FAM133A: variants seen among roughly 807,000 people sequenced by gnomAD.
FAM133A encodes protein FAM133A.
For synonymous variants in FAM133A, 65 were observed against 58.6 expected (o/e 1.11, Z -0.50); for missense variants, 159 against 164.4 (o/e 0.97, Z 0.18).
chrX:93,684,740 T>C (rs189607390), intron 2 of FAM133A, among the ~76,000 whole-genome samples: 24 of 110,790 alleles, frequency 2.2e-4, no homozygotes, highest in African/African-American at 8.0e-4. Flanking sequence ...TTTTGAATTT[T>C]TAAAACAAGC....
Position 93,709,404 on chromosome X carries a change from G to A in FAM133A, c.-16G>A, listed in dbSNP as rs1458062052. ...CCTTGGCAACTGAGAGTCTGCCCTT[G>A]GAAACATCAGGCACCATGGGGAAGC... On this transcript the variant is annotated 5_prime_UTR_variant, in exon 4 of 4. Transcript: ENST00000683942. 3.6e-5 allele frequency: 40 copies of A among 1,121,703 alleles called. No homozygotes were observed. The highest frequency in any genetic ancestry group is 4.6e-5 in the Non-Finnish European group (39 of 856,890). 92.4% of individuals were successfully genotyped at this position (1,121,703 alleles called of 1,213,427 possible).
chrX:93,682,986 A>G (rs1201588400), intron 2 of FAM133A, among the ~76,000 whole-genome samples: 1 of 112,038 alleles, frequency 8.9e-6, no homozygotes, highest in African/African-American at 3.2e-5. Context: ...AATTTTATTT[A>G]ACAGTTGTCT....
chrX:93,699,067 A>T (rs1482712901), intron 3 of FAM133A, among the ~76,000 whole-genome samples: 1 of 111,372 alleles, frequency 9.0e-6, no homozygotes, highest in Non-Finnish European at 1.9e-5. Flanking sequence ...GGAATATGGC[A>T]TATCAGGGAT....
Position 93,712,061 on chromosome X carries a change from T to C in FAM133A, c.*1895T>C, listed in dbSNP as rs1199614266. ...AAACAGAAGTGATTTTCTATTTCCA[T>C]GTTGGACTGTAAAAAGTTCTGCATG... On this transcript the variant is annotated 3_prime_UTR_variant, in exon 4 of 4. Coordinates refer to ENST00000683942, the MANE Select transcript of FAM133A (RefSeq NM_001171109.2). 8.1e-6 allele frequency: 1 copy of C among 122,995 alleles called. No individual in the cohort carries two copies. The highest frequency in any genetic ancestry group is 9.5e-5 in the Admixed American group (1 of 10,490). 10.1% of individuals were successfully genotyped at this position (122,995 alleles called of 1,213,427 possible). A position where few individuals can be genotyped will look rare whatever the true frequency, so the allele number is the denominator to read the frequency against.
chrX:93,693,102 A>G (rs1410508324), intron 2 of FAM133A, among the ~76,000 whole-genome samples: 3 of 111,643 alleles, frequency 2.7e-5, no homozygotes, highest in Non-Finnish European at 1.9e-5. Flanking sequence ...CAAAAAGAAA[A>G]GAGAATAAGA....
intron 2 of FAM133A, among the ~76,000 whole-genome samples, chrX:93,690,269 G>A (rs1925801337): frequency 9.0e-6 from 1 of 111,158 alleles, no homozygotes; most frequent in Non-Finnish European, 1.9e-5. Context: ...CATTATATGT[G>A]TATAATTCAA....
chrX:93,709,254 T>C, intron 3 of FAM133A, 63 bp from the exon 4 acceptor site: 2 of 699,441 alleles, frequency 2.9e-6, no homozygotes, highest in Non-Finnish European at 3.8e-6. Flanking sequence ...CAATTAAGCT[T>C]ATATGTTTGT....
intron 3 of FAM133A, among the ~76,000 whole-genome samples, chrX:93,706,534 C>T (rs1702187888): frequency 9.0e-6 from 1 of 111,636 alleles, no homozygotes; most frequent in African/African-American, 3.3e-5. Context: ...GTGCCAAATC[C>T]CATACATCCT....
At chrX:93,678,582 A>AT (rs1032647073) in intron 2 of FAM133A, among the ~76,000 whole-genome samples, 3 of 110,733 alleles carry the variant, frequency 2.7e-5, no homozygotes, top group African/African-American at 6.6e-5. Flanking sequence ...ATTTTCTTCC[A>AT]TTTTTTTTAA....
rs376335726 is a variant in FAM133A, at chrX:93,679,915, A to ATTTTTTTT, written c.-193+5199_-193+5206dup. Reference sequence around the variant, plus strand: ...AGGTGTGTACCACCACTCCTGGCAAATTTTTTTTTTTTTTTTTTTTTTTTT... The same window carrying ATTTTTTTT: ...AGGTGTGTACCACCACTCCTGGCAAATTTTTTTTTTTTTTTTTTTTTTTTTTTTTTTTT... On this transcript the variant is annotated intron_variant, in intron 2 of 3. Transcript: ENST00000683942. Among the ~76,000 whole-genome samples, 22 of 62,414 alleles carry ATTTTTTTT rather than the reference A, an allele frequency of 3.5e-4. 1 individual carries two copies. The highest frequency in any genetic ancestry group is 1.6e-3 in the African/African-American group (19 of 11,987). 54.2% of individuals were successfully genotyped at this position (62,414 alleles called of 115,157 possible). A position where few individuals can be genotyped will look rare whatever the true frequency, so the allele number is the denominator to read the frequency against.
chrX:93,686,231 A>T (rs1422622959), intron 2 of FAM133A, among the ~76,000 whole-genome samples: 2 of 111,077 alleles, frequency 1.8e-5, no homozygotes, highest in African/African-American at 6.6e-5. Context: ...GGATAAGAAC[A>T]TCAGTTTTGA....
At chrX:93,675,848 A>G (rs1490919909) in intron 2 of FAM133A, among the ~76,000 whole-genome samples, 1 of 111,315 alleles carries the variant, frequency 9.0e-6, no homozygotes, top group Non-Finnish European at 1.9e-5. Context: ...ATTTTAATCA[A>G]AACATATGTT....
intron 2 of FAM133A, among the ~76,000 whole-genome samples, chrX:93,677,198 A>G (rs1328961281): frequency 1.8e-5 from 2 of 110,440 alleles, no homozygotes; most frequent in Non-Finnish European, 3.8e-5. Flanking sequence ...GAGATGATAC[A>G]TAACACAGAA....
chrX:93,693,692 AC>A (rs1926039737), intron 2 of FAM133A, among the ~76,000 whole-genome samples: 1 of 111,178 alleles, frequency 9.0e-6, no homozygotes, highest in South Asian at 3.7e-4. Flanking sequence ...CAACATTAGA[AC>A]CCTTTTTGAA....
chrX:93,704,816 G>A (rs1045080467), intron 3 of FAM133A, among the ~76,000 whole-genome samples: 1 of 111,701 alleles, frequency 9.0e-6, no homozygotes, highest in Non-Finnish European at 1.9e-5. Flanking sequence ...TGAATATTTT[G>A]TACTGTATTC....
intron 2 of FAM133A, among the ~76,000 whole-genome samples, chrX:93,684,285 A>T (rs1402880458): frequency 1.8e-5 from 2 of 111,872 alleles, no homozygotes; most frequent in Non-Finnish European, 3.8e-5. Flanking sequence ...GTGTTCTTGG[A>T]GCCTTTGTCA....
At chrX:93,674,979 T>TA (rs1322635262) in intron 2 of FAM133A, among the ~76,000 whole-genome samples, 1 of 112,032 alleles carries the variant, frequency 8.9e-6, no homozygotes, top group Non-Finnish European at 1.9e-5. Flanking sequence ...AAGTGGTAAA[T>TA]TAAAATATGA....
rs779596957 is a variant in FAM133A, at chrX:93,684,286, G to A, written c.-193+9534G>A. Reference sequence around the variant, plus strand: ...CCCTTTCCCAATGAGTGTTCTTGGAGCCTTTGTCAAAAATCAGTTGGCTGT... The same window carrying A: ...CCCTTTCCCAATGAGTGTTCTTGGAACCTTTGTCAAAAATCAGTTGGCTGT... On this transcript the variant is annotated intron_variant, in intron 2 of 3. Transcript: ENST00000683942. Among the ~76,000 whole-genome samples, 13 of 111,966 alleles carry A rather than the reference G, an allele frequency of 1.2e-4. No homozygotes were observed. The East Asian group carries it at 3.4e-3, about 29-fold the overall frequency.
intron 3 of FAM133A, among the ~76,000 whole-genome samples, chrX:93,700,009 C>T (rs1380963607): frequency 1.3e-4 from 14 of 109,705 alleles, no homozygotes; most frequent in African/African-American, 2.6e-4. Flanking sequence ...AATTTGAGAA[C>T]ATTTCTAGAA....
Sources: allele counts gnomAD v4.1 joint callset (sites outside exome capture counted in the v4.1 genomes callset), GRCh38; gene constraint gnomAD v4.1.1; transcripts MANE v1.5; gene names NCBI Gene and HGNC (gene_info 2026-07-23, HGNC 2026-07-21).